GPR139: variants seen among roughly 807,000 people sequenced by gnomAD.
GPR139 encodes the protein probable G protein-coupled receptor 139.
GPR139 carries 12 observed loss-of-function variants against 25.8 expected under a neutral mutation model. The ratio of observed to expected loss-of-function variants is 0.47; its 90% CI spans 0.30 to 0.75. The LOEUF (loss-of-function observed/expected upper bound fraction) is 0.75. Ranked by LOEUF, GPR139 falls within the 30% of genes least tolerant of loss-of-function variation. The pLI is 0.07. For synonymous variants in GPR139, 184 were observed against 179.9 expected (o/e 1.02, Z -0.18); for missense variants, 380 against 450.2 (o/e 0.84, Z 1.41).
At chr16:20,069,898 T>C (rs2141216818) in intron 1 of GPR139, among the ~76,000 whole-genome samples, 1 of 152,314 alleles carries the variant, frequency 6.6e-6, no homozygotes, top group South Asian at 2.1e-4. Flanking sequence ...GCTTTTTGGC[T>C]CTGCTGACTT....
Position 20,073,482 on chromosome 16 carries a change from C to T in GPR139, c.127+8G>A, listed in dbSNP as rs1362756259. 1 of 1,611,246 alleles carries T rather than the reference C, an allele frequency of 6.2e-7. No homozygotes were observed. The highest frequency in any genetic ancestry group is 1.1e-5 in the South Asian group (1 of 90,270). On this transcript the variant is annotated splice_region_variant and intron_variant, in intron 1 of 1. Coordinates refer to ENST00000570682, the MANE Select transcript of GPR139 (RefSeq NM_001002911.4). The surrounding 1 kb of genome is among the most constrained non-coding windows in gnomAD (Gnocchi z 4.7). ...CTGGCTTCCCTCCCTCTCCCCCACGCCCCTCACCTGGTAAACCGAGGCACA... is the reference window on the plus strand; with the variant it reads ...CTGGCTTCCCTCCCTCTCCCCCACGTCCCTCACCTGGTAAACCGAGGCACA...
At position 20,029,254 on chromosome 16, in the gene GPR139, T is replaced by C. The variant is rs141599156; in HGVS notation, c.*2481A>G. On this transcript the variant is annotated 3_prime_UTR_variant, in exon 2 of 2. Transcript: ENST00000570682. ...TCGAGAAGTAATAAATTAAAGTGTC[T>C]GAGGAAAATGTTCCCAATGCACACC... Among the ~76,000 whole-genome samples, 26 of 152,176 alleles carry C rather than the reference T, an allele frequency of 1.7e-4. No homozygotes were observed. The East Asian group carries it at 5.0e-3, about 29-fold the overall frequency.
intron 1 of GPR139, among the ~76,000 whole-genome samples, chr16:20,058,061 G>A (rs1186544178): frequency 6.6e-6 from 1 of 152,152 alleles, no homozygotes; most frequent in Non-Finnish European, 1.5e-5. Context: ...GGAAAGCCTT[G>A]TCAGTTTTTA....
At chr16:20,060,748 G>T (rs1382558793) in intron 1 of GPR139, among the ~76,000 whole-genome samples, 1 of 152,090 alleles carries the variant, frequency 6.6e-6, no homozygotes, top group Non-Finnish European at 1.5e-5. Flanking sequence ...CTGGCACCAT[G>T]CATCCCCCTT....
chr16:20,069,814 A>T (rs1197822514), intron 1 of GPR139, among the ~76,000 whole-genome samples: 1 of 152,098 alleles, frequency 6.6e-6, no homozygotes, highest in Non-Finnish European at 1.5e-5. Flanking sequence ...GCTCAAGTTC[A>T]TCATTTTCTC....
rs1029434202 is a variant in GPR139, at chr16:20,036,602, CAG to C, written c.128-3935_128-3934del. 3.7e-4 allele frequency among the ~76,000 whole-genome samples: 56 copies of C among 152,282 alleles called. No individual in the cohort carries two copies. In the Middle Eastern group the frequency reaches 0.01, roughly 28 times the overall value. ...GGGGAACTCCCCTTTATAAAACCAT[CAG>C]ATCTCATGAGACTTATTCACTATCA... is the stretch of plus-strand genomic sequence containing the variant. On this transcript the variant is annotated intron_variant, in intron 1 of 1. Coordinates refer to ENST00000570682, the MANE Select transcript of GPR139 (RefSeq NM_001002911.4).
rs1471820146 is a variant in GPR139 at position 20,031,206 on chromosome 16, G to T, written c.*529C>A. On this transcript the variant is annotated 3_prime_UTR_variant, in exon 2 of 2. Transcript: ENST00000570682. ...TCATTCTGAAGCTAGGAGTGCCAGA[G>T]CCAATTCAAGACCACAACCCTCTCT... Among the ~76,000 whole-genome samples the T allele has an allele frequency of 1.3e-5, 2 of 152,074 alleles. No homozygotes were observed. Among genetic ancestry groups the T allele is most frequent in the Non-Finnish European group, 2.9e-5 (2 of 68,028 alleles).
At chr16:20,068,256 A>AAAAAG (rs1555467127) in intron 1 of GPR139, among the ~76,000 whole-genome samples, 43 of 137,650 alleles carry the variant, frequency 3.1e-4, no homozygotes, top group African/African-American at 7.4e-4. Context: ...AAAAAAAAAA[A>AAAAAG]AAGAAAGGAG....
At chr16:20,050,040 A>G (rs2141208152) in intron 1 of GPR139, among the ~76,000 whole-genome samples, 1 of 152,264 alleles carries the variant, frequency 6.6e-6, no homozygotes, top group African/African-American at 2.4e-5. Context: ...ATGTCAGTAA[A>G]CCTGAAGAAC....
At chr16:20,054,040 C>A (rs2057381068) in intron 1 of GPR139, among the ~76,000 whole-genome samples, 1 of 152,158 alleles carries the variant, frequency 6.6e-6, no homozygotes. Flanking sequence ...CATCCTGACT[C>A]TGGGGGCTTT....
intron 1 of GPR139, among the ~76,000 whole-genome samples, chr16:20,047,787 G>A (rs1275385594): frequency 6.6e-6 from 1 of 152,152 alleles, no homozygotes; most frequent in Admixed American, 6.5e-5. Flanking sequence ...GTTTCAAATT[G>A]CCCCTGCAGC....
chr16:20,043,767 T>C (rs1243197473), intron 1 of GPR139, among the ~76,000 whole-genome samples: 1 of 152,194 alleles, frequency 6.6e-6, no homozygotes, highest in African/African-American at 2.4e-5. Flanking sequence ...CAGTGGTGTT[T>C]TCTCAGTTCT....
intron 1 of GPR139, among the ~76,000 whole-genome samples, chr16:20,060,239 G>GGT (rs139651154): frequency 0.041 from 6,159 of 150,722 alleles, 143 homozygotes; most frequent in Non-Finnish European, 0.056. Flanking sequence ...TTGGCTGCAG[G>GGT]GTGTGTGTGT....
In GPR139 at chr16:20,063,750, C is replaced by T. The variant is rs561953140; in HGVS notation, c.127+9740G>A. Among the ~76,000 whole-genome samples the T allele has an allele frequency of 2.0e-5, 3 of 152,294 alleles. No homozygotes were observed. The East Asian group carries it at 5.8e-4, about 29-fold the overall frequency. ...TTTTCCTTTACTCCTTTTGCTTCCT[C>T]CTAAGAGACTGCTAGCAGTGTGATT... On this transcript the variant is annotated intron_variant, in intron 1 of 1. Coordinates refer to ENST00000570682, the MANE Select transcript of GPR139 (RefSeq NM_001002911.4).
intron 1 of GPR139, among the ~76,000 whole-genome samples, chr16:20,036,098 A>G (rs2057308995): frequency 6.6e-6 from 1 of 152,244 alleles, no homozygotes; most frequent in Non-Finnish European, 1.5e-5. Flanking sequence ...ATGAGAACAC[A>G]GTATATAGGA....
intron 1 of GPR139, among the ~76,000 whole-genome samples, chr16:20,041,260 A>G (rs8062711): frequency 0.035 from 160 of 4,544 alleles, 72 homozygotes; most frequent in Non-Finnish European, 0.15. Context: ...GGGAAGGAGA[A>G]AAGAAAAGCA....
chr16:20,068,236 C>CA (rs10534277), intron 1 of GPR139, among the ~76,000 whole-genome samples: 3,915 of 108,694 alleles, frequency 0.036, 126 homozygotes, highest in African/African-American at 0.11. Flanking sequence ...CTATTTAATG[C>CA]AAAAAAAAAA....
At chr16:20,056,630 A>G (rs569189450) in intron 1 of GPR139, among the ~76,000 whole-genome samples, 3 of 152,332 alleles carry the variant, frequency 2.0e-5, no homozygotes, top group East Asian at 1.9e-4. Context: ...CACTTTGCAC[A>G]TTGGTCAGCA....
intron 1 of GPR139, among the ~76,000 whole-genome samples, chr16:20,061,439 G>A (rs1036738481): frequency 5.3e-5 from 8 of 152,258 alleles, no homozygotes; most frequent in South Asian, 4.2e-4. Flanking sequence ...GGATGGATGT[G>A]TGGGCGGATG....
Sources: gnomAD v4.1 joint callset for allele counts (sites outside exome capture counted in the v4.1 genomes callset) on GRCh38, gnomAD v4.1.1 for gene constraint, Gnocchi (gnomAD v3.1) non-coding constraint, MANE v1.5 for transcripts, NCBI Gene and HGNC (gene_info 2026-07-23, HGNC 2026-07-21) for gene names.